The following SPRY3 variants were observed in gnomAD, a reference collection of about 807,000 sequenced individuals.
The protein encoded by SPRY3 is protein sprouty homolog 3.
In SPRY3, 15 loss-of-function variants were observed where a neutral mutation model predicts 20.2. The observed-to-expected ratio is 0.74, with a 90% CI of 0.50 to 1.14. The LOEUF is 1.14. Among genes scored for constraint, SPRY3 ranks in the 50% most tolerant of loss-of-function variants. The pLI, the probability that SPRY3 is intolerant of heterozygous loss-of-function variation, is 0.00. For synonymous variants in SPRY3, 143 were observed against 136.5 expected (o/e 1.05, Z -0.33); for missense variants, 364 against 363.9 (o/e 1.00, Z 0.00).
intron 1 of SPRY3, among the ~76,000 whole-genome samples, chrX:155,650,154 G>A (rs1489622114): frequency 2.7e-5 from 3 of 111,602 alleles, no homozygotes; most frequent in Admixed American, 9.5e-5. Context: ...TGGATAGGAA[G>A]AATCAATATC....
At chrX:155,767,724 G>GGAGGAGGAGGAGAGAGAA (rs2091346213) in intron 2 of SPRY3, 3 of 99,308 alleles carry the variant, frequency 3.0e-5, no homozygotes, top group African/African-American at 1.8e-4. Context: ...AGGAGAAAGA[G>GGAGGAGGAGGAGAGAGAA]GAGGAGGAGG....
At chrX:155,657,710 C>T (rs1248462414) in intron 2 of SPRY3, among the ~76,000 whole-genome samples, 1 of 112,023 alleles carries the variant, frequency 8.9e-6, no homozygotes, top group Admixed American at 9.4e-5. Flanking sequence ...CCCGAACAGC[C>T]GCCCAGTTTT....
intron 2 of SPRY3, among the ~76,000 whole-genome samples, chrX:155,743,771 A>G (rs965002605): frequency 6.6e-6 from 1 of 152,102 alleles, no homozygotes; most frequent in African/African-American, 2.4e-5. Flanking sequence ...TCAAATTTCC[A>G]ACAAATTTAT....
At chrX:155,727,560 A>G (rs1375856129) in intron 2 of SPRY3, among the ~76,000 whole-genome samples, 1 of 151,992 alleles carries the variant, frequency 6.6e-6, no homozygotes, top group African/African-American at 2.4e-5. Context: ...ATCTCTAATC[A>G]CTGATATCCT....
chrX:155,774,143 G>C lies in SPRY3; in HGVS notation c.272G>C (p.Ser91Thr), dbSNP rs780054268. 4 of 1,613,974 alleles carry C rather than the reference G, an allele frequency of 2.5e-6. No homozygotes were observed. In the Admixed American group the frequency reaches 6.7e-5, roughly 27 times the overall value. Residue 91 changes from serine (S) to threonine (T), a missense_variant, in exon 4 of 4, where the codon AGC (serine) becomes ACC (threonine). By Grantham distance (58) the Ser-to-Thr change is moderately conservative. Transcript: ENST00000675360. ...AGCATTGCCAGCTCAATGTCCCATA[G>C]CACCACTGCCTCTGATCAAAGGCTC...
At chrX:155,774,160 C>A in exon 4 of SPRY3, 1 of 1,614,030 alleles carries the variant, frequency 6.2e-7, no homozygotes, top group Non-Finnish European at 8.5e-7. Flanking sequence ...TGCCTCTGAT[C>A]AAAGGCTCTT....
chrX:155,624,493 T>G (rs987959759), intron 1 of SPRY3, among the ~76,000 whole-genome samples: 1 of 107,130 alleles, frequency 9.3e-6, no homozygotes, highest in Non-Finnish European at 1.9e-5. Flanking sequence ...AATCTATATT[T>G]GCATCTATCA....
intron 2 of SPRY3, among the ~76,000 whole-genome samples, chrX:155,666,509 A>G (rs2124556322): frequency 9.0e-6 from 1 of 111,120 alleles, no homozygotes; most frequent in African/African-American, 3.3e-5. Flanking sequence ...ATGGGCTTAG[A>G]CCAAGTTGAT....
At chrX:155,737,493 A>G (rs1007699944) in intron 2 of SPRY3, among the ~76,000 whole-genome samples, 22 of 152,210 alleles carry the variant, frequency 1.4e-4, no homozygotes, top group Admixed American at 3.3e-4. Flanking sequence ...ACTATGTAAG[A>G]ACATAGAAAG....
At chrX:155,619,293 T>G (rs1328320672) in intron 1 of SPRY3, among the ~76,000 whole-genome samples, 1 of 100,996 alleles carries the variant, frequency 9.9e-6, no homozygotes, top group Non-Finnish European at 1.9e-5. Flanking sequence ...CTATCCTTAC[T>G]TTTTTTTTAA....
intron 2 of SPRY3, among the ~76,000 whole-genome samples, chrX:155,741,356 A>G (rs2091203558): frequency 6.6e-6 from 1 of 152,180 alleles, no homozygotes; most frequent in South Asian, 2.1e-4. Context: ...GATTATGTAA[A>G]AAGACTGAAC....
At chrX:155,624,988 G>A (rs937134887) in intron 1 of SPRY3, among the ~76,000 whole-genome samples, 16 of 111,648 alleles carry the variant, frequency 1.4e-4, no homozygotes, top group African/African-American at 5.2e-4. Context: ...ATGAAACACA[G>A]AATAGTTGAG....
chrX:155,728,472 T>C (rs769886170), intron 2 of SPRY3, among the ~76,000 whole-genome samples: 1 of 152,348 alleles, frequency 6.6e-6, no homozygotes, highest in East Asian at 1.9e-4. Flanking sequence ...TCTGCCCAGT[T>C]CGAACTTCCC....
chrX:155,706,126 C>G (rs2090949316), intron 2 of SPRY3, among the ~76,000 whole-genome samples: 1 of 151,172 alleles, frequency 6.6e-6, no homozygotes, highest in Non-Finnish European at 1.5e-5. Context: ...TAAGACAAAC[C>G]TCAGCAAATT....
intron 2 of SPRY3, among the ~76,000 whole-genome samples, chrX:155,765,604 A>G (rs972475250): frequency 6.6e-6 from 1 of 152,194 alleles, no homozygotes; most frequent in Non-Finnish European, 1.5e-5. Context: ...GAATGAATGA[A>G]TGATCATCAA....
intron 2 of SPRY3, among the ~76,000 whole-genome samples, chrX:155,732,202 C>A (rs768790337): frequency 6.6e-6 from 1 of 152,136 alleles, no homozygotes; most frequent in South Asian, 2.1e-4. Context: ...ACTCCAAAAA[C>A]AGTTTTTATA....
At chrX:155,718,356 C>T (rs1031941121) in intron 2 of SPRY3, among the ~76,000 whole-genome samples, 1 of 151,972 alleles carries the variant, frequency 6.6e-6, no homozygotes, top group Non-Finnish European at 1.5e-5. Context: ...TAGCACTGTG[C>T]CCCATAACTA....
At chrX:155,762,052 C>T (rs2091306234) in intron 2 of SPRY3, among the ~76,000 whole-genome samples, 1 of 152,110 alleles carries the variant, frequency 6.6e-6, no homozygotes, top group Admixed American at 6.5e-5. Flanking sequence ...ACCAAATATT[C>T]CTACTTGAAA....
At chrX:155,738,800 A>G (rs1399845384) in intron 2 of SPRY3, among the ~76,000 whole-genome samples, 2 of 152,206 alleles carry the variant, frequency 1.3e-5, no homozygotes, top group Non-Finnish European at 2.9e-5. Context: ...AAAGTAGCTG[A>G]TCAGGCACAC....
Sources: gnomAD v4.1 joint callset for allele counts (sites outside exome capture counted in the v4.1 genomes callset) on GRCh38, gnomAD v4.1.1 for gene constraint, MANE v1.5 for transcripts, NCBI Gene and HGNC (gene_info 2026-07-23, HGNC 2026-07-21) for gene names.